The following TPGS2 variants were observed in gnomAD, a reference collection of about 807,000 sequenced individuals.
TPGS2 encodes the protein polyglutamylase subunit 2.
A neutral mutation model predicts 31.1 loss-of-function variants in TPGS2; 26 were observed. The observed-to-expected ratio is 0.84, with a 90% CI of 0.61 to 1.16. The LOEUF is 1.16. Among genes scored for constraint, TPGS2 ranks in the 50% most tolerant of loss-of-function variants. The probability of loss-of-function intolerance (pLI) is 0.00; values close to 1 mark genes in which losing one functional copy is unlikely to be tolerated. For synonymous variants in TPGS2, 130 were observed against 136.6 expected (o/e 0.95, Z 0.34); for missense variants, 351 against 363.8 (o/e 0.96, Z 0.29).
intron 2 of TPGS2, among the ~76,000 whole-genome samples, chr18:36,811,261 C>G (rs1401483950): frequency 6.6e-6 from 1 of 152,164 alleles, no homozygotes; most frequent in Non-Finnish European, 1.5e-5. Flanking sequence ...AAGAGAATTC[C>G]CAAATATATT....
intron 2 of TPGS2, among the ~76,000 whole-genome samples, chr18:36,816,665 G>A (rs899586398): frequency 5.3e-5 from 8 of 152,310 alleles, no homozygotes; most frequent in African/African-American, 1.4e-4. Flanking sequence ...CTGGAGTGCA[G>A]TTGTGCGATC....
chr18:36,822,893 C>G (rs2045955779), intron 1 of TPGS2, among the ~76,000 whole-genome samples: 1 of 152,164 alleles, frequency 6.6e-6, no homozygotes, highest in Non-Finnish European at 1.5e-5. Flanking sequence ...GCCGCAGTGC[C>G]CAGCCATGAC....
At chr18:36,804,591 A>G (rs1055699419) in intron 4 of TPGS2, among the ~76,000 whole-genome samples, 1 of 152,154 alleles carries the variant, frequency 6.6e-6, no homozygotes, top group African/African-American at 2.4e-5. Flanking sequence ...GCCTTACATC[A>G]GTTTTCTCTG....
rs868735047 is a variant in TPGS2, at chr18:36,826,432, G to A, written c.85+2251C>T. 1.3e-4 allele frequency among the ~76,000 whole-genome samples: 19 copies of A among 151,000 alleles called. No homozygotes were observed. In the South Asian group the frequency reaches 3.8e-3, roughly 30 times the overall value. ...TGTGTGTGTGTGTGTGTGTGTGTGT[G>A]TGTGTGTGTGGATTCCTTAGGATTT... On this transcript the variant is annotated intron_variant, in intron 1 of 6. Coordinates refer to ENST00000334295, the MANE Select transcript of TPGS2 (RefSeq NM_015476.4).
chr18:36,823,836 A>G (rs1213235176), intron 1 of TPGS2: 4 of 985,374 alleles, frequency 4.1e-6, no homozygotes, highest in Non-Finnish European at 4.8e-6. Flanking sequence ...TTAATGTAAC[A>G]TAATCAAGGT....
Position 36,787,090 on chromosome 18 carries a change from T to G in TPGS2, c.658-3959A>C, listed in dbSNP as rs183051433. The G allele has an allele frequency of 1.1e-5, 13 of 1,232,566 alleles. No homozygotes were observed. The East Asian group carries it at 4.1e-4, about 39-fold the overall frequency. The allele number at this position is 1,232,566 out of a possible 1,614,324, so 76.4% of individuals were successfully genotyped here. The stretch of plus-strand genomic sequence containing the variant: ...GATATTATAAGTTATCTGGTGCAGA[T>G]GGAAATAGGAATACATGGGTCTTGG... On this transcript the variant is annotated intron_variant, in intron 6 of 6. Coordinates refer to the TPGS2 transcript ENST00000587129.
intron 1 of TPGS2, among the ~76,000 whole-genome samples, chr18:36,824,143 A>G (rs189201006): frequency 6.6e-6 from 1 of 152,214 alleles, no homozygotes; most frequent in Non-Finnish European, 1.5e-5. Flanking sequence ...GGCTTTTGCA[A>G]CTGGCTTCTC....
Position 36,828,858 on chromosome 18 carries a change from C to T in TPGS2, c.-91G>A. The T allele has an allele frequency of 4.1e-6, 6 of 1,465,286 alleles. No individual in the cohort carries two copies. Among genetic ancestry groups the T allele is most frequent in the Non-Finnish European group, 5.6e-6 (6 of 1,072,612 alleles). 90.8% of individuals were successfully genotyped at this position (1,465,286 alleles called of 1,614,324 possible). A position where few individuals can be genotyped will look rare whatever the true frequency, so the allele number is the denominator to read the frequency against. On this transcript the variant is annotated 5_prime_UTR_variant, in exon 1 of 7. Coordinates refer to ENST00000334295, the MANE Select transcript of TPGS2 (RefSeq NM_015476.4). ...GGCCAATTTCATGGCATGCCGGGAACGGTAGTTCTCGGCGCCTGAAAGCGC... is the reference window on the plus strand; with the variant it reads ...GGCCAATTTCATGGCATGCCGGGAATGGTAGTTCTCGGCGCCTGAAAGCGC...
intron 6 of TPGS2, among the ~76,000 whole-genome samples, chr18:36,787,337 C>CAG (rs1332022411): frequency 6.6e-6 from 1 of 152,124 alleles, no homozygotes; most frequent in Non-Finnish European, 1.5e-5. Context: ...TGTTTCCCTT[C>CAG]AGAGAGAGAC....
intron 1 of TPGS2, among the ~76,000 whole-genome samples, chr18:36,820,394 A>G (rs1050627237): frequency 2.0e-5 from 3 of 152,340 alleles, no homozygotes; most frequent in Admixed American, 2.0e-4. Context: ...ATGGCAAGGT[A>G]ATTGGCCAAC....
rs2044451868 is a variant in TPGS2 at position 36,794,853 on chromosome 18, A to T, written c.*1952T>A. ...TTAAAACACACACACACACACACAC[A>T]CACACACACACACACACACACACAC... On this transcript the variant is annotated 3_prime_UTR_variant, in exon 7 of 7. Transcript: ENST00000334295. 1 of 937,306 alleles carries T rather than the reference A, an allele frequency of 1.1e-6. No individual in the cohort carries two copies. The highest frequency in any genetic ancestry group is 1.9e-5 in the African/African-American group (1 of 53,386). The allele number at this position is 937,306 out of a possible 1,614,324, so 58.1% of individuals were successfully genotyped here.
At chr18:36,826,862 T>C (rs141332356) in intron 1 of TPGS2, among the ~76,000 whole-genome samples, 44 of 152,340 alleles carry the variant, frequency 2.9e-4, no homozygotes, top group African/African-American at 9.4e-4. Context: ...GGGTTTTTCA[T>C]AGATGTCCTT....
chr18:36,808,256 T>C (rs2045259868), intron 2 of TPGS2, among the ~76,000 whole-genome samples: 1 of 152,182 alleles, frequency 6.6e-6, no homozygotes, highest in Non-Finnish European at 1.5e-5. Flanking sequence ...GGGGAAGTCC[T>C]AGGTAAAGTC....
In TPGS2 at chr18:36,828,872, G is replaced by T; in HGVS notation, c.-105C>A. ...CATGCCGGGAACGGTAGTTCTCGGC[G>T]CCTGAAAGCGCGGCGCAGTGATGAT... is the stretch of plus-strand genomic sequence containing the variant. On this transcript the variant is annotated 5_prime_UTR_variant, in exon 1 of 7. Coordinates refer to ENST00000334295, the MANE Select transcript of TPGS2 (RefSeq NM_015476.4). 1.4e-6 allele frequency: 2 copies of T among 1,381,384 alleles called. No individual in the cohort carries two copies. The highest frequency in any genetic ancestry group is 1.4e-5 in the African/African-American group (1 of 70,316). 85.6% of individuals were successfully genotyped at this position (1,381,384 alleles called of 1,614,324 possible).
intron 2 of TPGS2, among the ~76,000 whole-genome samples, chr18:36,809,039 G>A (rs571362498): frequency 2.0e-5 from 3 of 152,152 alleles, no homozygotes; most frequent in South Asian, 4.1e-4. Context: ...ATGTGATACC[G>A]ACAACTGCTT....
chr18:36,798,997 G>T (rs1434170900), intron 5 of TPGS2, among the ~76,000 whole-genome samples: 5 of 152,034 alleles, frequency 3.3e-5, no homozygotes, highest in Non-Finnish European at 7.4e-5. Context: ...AATGGCTTAG[G>T]TTTTTTTGAA....
intron 6 of TPGS2, chr18:36,787,021 T>C (rs1299123798): frequency 1.6e-6 from 2 of 1,234,120 alleles, no homozygotes; most frequent in African/African-American, 3.1e-5. Flanking sequence ...TTGGAGGGGC[T>C]CAACAGCCAG....
rs748487786 is a variant in TPGS2, at chr18:36,797,022, G to GTGAT, written c.682_685dup (p.Thr229AsnfsTer18). 1.3e-5 allele frequency: 20 copies of GTGAT among 1,597,970 alleles called. No individual in the cohort carries two copies. Among genetic ancestry groups the GTGAT allele is most frequent in the African/African-American group, 8.1e-5 (6 of 73,984 alleles). On this transcript the variant is annotated frameshift_variant, in exon 7 of 7. Transcript: ENST00000334295. LOFTEE classifies it high-confidence loss of function. ...TTCTGTGAGCAGGTTTGTGTTGTAGGTGATAGGTTTATACATGCTGAACCA... is the reference window on the plus strand; with the variant it reads ...TTCTGTGAGCAGGTTTGTGTTGTAGGTGATTGATAGGTTTATACATGCTGAACCA...
In TPGS2 at chr18:36,807,950, A is replaced by G. The variant is rs75795157; in HGVS notation, c.166-16T>C. 6.2e-7 allele frequency: 1 copy of G among 1,614,036 alleles called. No homozygotes were observed. The highest frequency in any genetic ancestry group is 2.2e-5 in the East Asian group (1 of 44,868). On this transcript the variant is annotated splice_polypyrimidine_tract_variant and intron_variant, in intron 2 of 6. Coordinates refer to ENST00000334295, the MANE Select transcript of TPGS2 (RefSeq NM_015476.4). ...AGTTATTCTTCTAGAATCACAAAGC[A>G]GCTAAGTGTTAGGTAAGGGCTGGGA...
Sources: gnomAD v4.1 joint callset for allele counts (sites outside exome capture counted in the v4.1 genomes callset) on GRCh38, gnomAD v4.1.1 for gene constraint, MANE v1.5 for transcripts, NCBI Gene and HGNC (gene_info 2026-07-23, HGNC 2026-07-21) for gene names.